PLCG2: variants seen among roughly 807,000 people sequenced by gnomAD.
The protein encoded by PLCG2 is phospholipase C gamma 2, also known as 1-phosphatidylinositol 4,5-bisphosphate phosphodiesterase gamma-2.
Under a neutral mutation model 175.6 loss-of-function variants are expected in PLCG2, and 69 were observed. The observed-to-expected ratio is 0.39, with a 90% CI of 0.32 to 0.48. The LOEUF (loss-of-function observed/expected upper bound fraction) is 0.48, where lower values mean the gene tolerates loss of function less well. Among genes scored for constraint, PLCG2 ranks in the 20% least tolerant of loss-of-function variants. PLCG2 has a pLI of 0.91. For synonymous variants in PLCG2, 827 were observed against 624.0 expected, an observed-to-expected ratio of 1.33 and a Z score of -4.85; for missense variants, 1,798 against 1,650.9, an observed-to-expected ratio of 1.09 and a Z score of -1.54.
At position 81,960,993 on chromosome 16, in the gene PLCG2, C is replaced by T. The variant is rs143220930; in HGVS notation, c.*2995C>T. On this transcript the variant is annotated 3_prime_UTR_variant, in exon 33 of 33. Transcript: ENST00000564138. ...CCTCTAGTCTTACTGTAGAGCATGT[C>T]CCAAGGTGTAAAAATTCAAAATGTG... 8.7e-6 allele frequency: 2 copies of T among 230,142 alleles called. No individual in the cohort carries two copies. Among genetic ancestry groups the T allele is most frequent in the African/African-American group, 4.4e-5 (2 of 45,268 alleles). 14.3% of individuals were successfully genotyped at this position (230,142 alleles called of 1,614,324 possible). A position where few individuals can be genotyped will look rare whatever the true frequency, so the allele number is the denominator to read the frequency against.
At chr16:81,878,636 C>A (rs1044909614) in intron 7 of PLCG2, among the ~76,000 whole-genome samples, 1 of 152,164 alleles carries the variant, frequency 6.6e-6, no homozygotes, top group Admixed American at 6.6e-5. Context: ...TCCATCCCTG[C>A]CTCCTAGAGC....
rs763428435 is a variant in PLCG2, at chr16:81,859,084, C to T, written c.432-32C>T. The stretch of plus-strand genomic sequence containing the variant: ...TGTGCTATTTTCTAATTTTCTCTTT[C>T]TCTCTTTCTTTTGTCTCATATTTCT... On this transcript the variant is annotated intron_variant, in intron 4 of 32. Coordinates refer to ENST00000564138, the MANE Select transcript of PLCG2 (RefSeq NM_002661.5). 25 of 1,386,366 alleles carry T rather than the reference C, an allele frequency of 1.8e-5. No individual in the cohort carries two copies. In the East Asian group the frequency reaches 5.2e-4, roughly 29 times the overall value. 85.9% of individuals were successfully genotyped at this position (1,386,366 alleles called of 1,614,324 possible).
chr16:81,782,092 G>A (rs1362797795), intron 1 of PLCG2, among the ~76,000 whole-genome samples: 1 of 152,030 alleles, frequency 6.6e-6, no homozygotes, highest in Non-Finnish European at 1.5e-5. Flanking sequence ...TAGCCAGGAT[G>A]GTCTTGATCT....
At chr16:81,906,908 C>A (rs964014073) in intron 15 of PLCG2, among the ~76,000 whole-genome samples, 1 of 151,880 alleles carries the variant, frequency 6.6e-6, no homozygotes, top group Non-Finnish European at 1.5e-5. Flanking sequence ...CATGGTGGCA[C>A]GTGCCTGTAG....
chr16:81,915,800 C>G (rs1361002419), intron 19 of PLCG2, among the ~76,000 whole-genome samples: 1 of 152,024 alleles, frequency 6.6e-6, no homozygotes, highest in Non-Finnish European at 1.5e-5. Context: ...CCCTGCCTGC[C>G]CTGAGGAGCT....
At chr16:81,782,676 C>T (rs574465807) in intron 1 of PLCG2, among the ~76,000 whole-genome samples, 20 of 152,318 alleles carry the variant, frequency 1.3e-4, no homozygotes, top group Non-Finnish European at 2.9e-4. Flanking sequence ...AACCCCAAAC[C>T]AGAAATCAAG....
intron 2 of PLCG2, among the ~76,000 whole-genome samples, chr16:81,828,739 G>A (rs550724752): frequency 1.8e-4 from 27 of 152,294 alleles, no homozygotes; most frequent in Middle Eastern, 6.8e-3. Context: ...TCAGCCTTCC[G>A]AAGCTGCTGT....
In PLCG2 at chr16:81,913,020, T is replaced by G. The variant is rs139622121; in HGVS notation, c.2054+304T>G. 1.2e-4 allele frequency among the ~76,000 whole-genome samples: 18 copies of G among 152,290 alleles called. No homozygotes were observed. In the East Asian group the frequency reaches 3.3e-3, roughly 28 times the overall value. On this transcript the variant is annotated intron_variant, in intron 19 of 32. Coordinates refer to ENST00000564138, the MANE Select transcript of PLCG2 (RefSeq NM_002661.5). ...AGGAGGAAACTGAGGCACAGCAAGA[T>G]TAAGTAACTTGCTGAAGCATGCAGC...
chr16:81,910,612 G>A lies in PLCG2; in HGVS notation c.1826G>A (p.Ser609Asn), dbSNP rs773782479. 1.2e-6 allele frequency: 2 copies of A among 1,614,118 alleles called. No homozygotes were observed. The highest frequency in any genetic ancestry group is 1.1e-5 in the South Asian group (1 of 91,082). The change falls in exon 18 of 33, where the codon AGC (serine) becomes AAC (asparagine). Residue 609 changes from serine to asparagine, a missense_variant. Ser to Asn is a conservative substitution (Grantham distance 46). Transcript: ENST00000564138. ...YYLTDNLTFS[S>N]IYALIQHYRE... The stretch of plus-strand genomic sequence containing the variant: ...TTGACTGACAACCTCACCTTCAGCA[G>A]CATCTATGCCCTCATCCAGCACTAC...
chr16:81,908,232 T>TGG (rs1909463713), intron 16 of PLCG2, among the ~76,000 whole-genome samples, 184 bp from the exon 17 acceptor site: 1 of 151,714 alleles, frequency 6.6e-6, no homozygotes. Flanking sequence ...CTCTCAGGAG[T>TGG]GGGAGGCAGG....
chr16:81,847,293 G>A (rs751094467), intron 2 of PLCG2, among the ~76,000 whole-genome samples: 54 of 152,178 alleles, frequency 3.5e-4, no homozygotes, highest in Admixed American at 3.4e-3. Context: ...AAACTTCCAT[G>A]TGTTTAGCAA....
intron 31 of PLCG2, among the ~76,000 whole-genome samples, chr16:81,953,210 T>C (rs1911436677): frequency 6.6e-6 from 1 of 152,228 alleles, no homozygotes; most frequent in Admixed American, 6.5e-5. Flanking sequence ...GACTAAAGGT[T>C]CTGTGGGATC....
chr16:81,822,517 G>T (rs1043632872), intron 2 of PLCG2, among the ~76,000 whole-genome samples: 15 of 152,162 alleles, frequency 9.9e-5, no homozygotes, highest in African/African-American at 3.6e-4. Flanking sequence ...AGCACTTTGG[G>T]AGGCCGAGGC....
At chr16:81,818,293 C>G (rs1904641054) in intron 2 of PLCG2, among the ~76,000 whole-genome samples, 1 of 152,216 alleles carries the variant, frequency 6.6e-6, no homozygotes. Flanking sequence ...ATTAGTCTCT[C>G]ATTCCATCGT....
At chr16:81,754,081 T>G (rs938903320) in intron 1 of PLCG2, among the ~76,000 whole-genome samples, 2 of 151,994 alleles carry the variant, frequency 1.3e-5, no homozygotes, top group Non-Finnish European at 2.9e-5. Context: ...CTGAAAGGAC[T>G]TCGCTCCTTG....
Position 81,922,975 on chromosome 16 carries a change from T to C in PLCG2, c.2308-510T>C, listed in dbSNP as rs150031653. 3.7e-3 allele frequency among the ~76,000 whole-genome samples: 565 copies of C among 152,204 alleles called. 3 individuals carry two copies. The highest frequency in any genetic ancestry group is 6.3e-3 in the Non-Finnish European group (427 of 68,006). Reference sequence around the variant, plus strand: ...TGTCAGGGTCCTGCAGGAGTGTAGATAGGGGACTGCTGACCTACAAAAACA... The same window carrying C: ...TGTCAGGGTCCTGCAGGAGTGTAGACAGGGGACTGCTGACCTACAAAAACA... On this transcript the variant is annotated intron_variant, in intron 21 of 32. Transcript: ENST00000564138.
At chr16:81,771,275 T>A (rs1415136847) in intron 2 of PLCG2, among the ~76,000 whole-genome samples, 2 of 152,154 alleles carry the variant, frequency 1.3e-5, no homozygotes, top group East Asian at 3.9e-4. Context: ...TTGCTCAGGC[T>A]GGAGTACACT....
At chr16:81,904,671 G>A (rs902443733) in intron 14 of PLCG2, among the ~76,000 whole-genome samples, 2 of 152,186 alleles carry the variant, frequency 1.3e-5, no homozygotes, top group Non-Finnish European at 2.9e-5. Flanking sequence ...TTTATTCACC[G>A]AGTATCAACA....
intron 1 of PLCG2, among the ~76,000 whole-genome samples, chr16:81,755,065 A>G (rs1274883236): frequency 1.3e-5 from 2 of 152,142 alleles, no homozygotes; most frequent in African/African-American, 2.4e-5. Flanking sequence ...TTCCTCTGCT[A>G]TTGTGGTAGG....
Sources: allele counts gnomAD v4.1 joint callset (sites outside exome capture counted in the v4.1 genomes callset), GRCh38; gene constraint gnomAD v4.1.1; transcripts MANE v1.5; gene names NCBI Gene and HGNC (gene_info 2026-07-23, HGNC 2026-07-21).